Variants in TTLL8 observed in about 807,000 individuals in gnomAD.
The protein encoded by TTLL8 is tubulin tyrosine ligase like 8.
A neutral mutation model predicts 77.8 loss-of-function variants in TTLL8; 65 were observed. The ratio of observed to expected loss-of-function variants is 0.84; its 90% CI spans 0.68 to 1.03. The LOEUF is 1.03. Among genes scored for constraint, TTLL8 ranks in the 50% least tolerant of loss-of-function variants. The probability of loss-of-function intolerance (pLI) is 0.00; values close to 1 mark genes in which losing one functional copy is unlikely to be tolerated. For synonymous variants in TTLL8, 402 were observed against 422.8 expected (o/e 0.95, Z 0.60); for missense variants, 910 against 1,004.5 (o/e 0.91, Z 1.27).
chr22:50,035,170 C>G (rs1384458093), intron 8 of TTLL8, among the ~76,000 whole-genome samples: 2 of 152,194 alleles, frequency 1.3e-5, no homozygotes, highest in African/African-American at 4.8e-5. Context: ...CTGGAGCCGT[C>G]CTGCGTGGGC....
chr22:50,025,564 C>G (rs756279592), intron 12 of TTLL8, among the ~76,000 whole-genome samples: 3 of 152,034 alleles, frequency 2.0e-5, no homozygotes, highest in Non-Finnish European at 4.4e-5. Flanking sequence ...GCTTAGAACC[C>G]CAGAGGCTTA....
chr22:50,026,607 G>A (rs1451990684), intron 12 of TTLL8, among the ~76,000 whole-genome samples: 1 of 152,256 alleles, frequency 6.6e-6, no homozygotes, highest in Non-Finnish European at 1.5e-5. Flanking sequence ...GGTAATTGAT[G>A]ATGATTTAAG....
chr22:50,041,402 T>C lies in TTLL8; in HGVS notation c.831-125A>G, dbSNP rs1247262711. 12 of 954,708 alleles carry C rather than the reference T, an allele frequency of 1.3e-5. No homozygotes were observed. In the South Asian group the frequency reaches 1.6e-4, roughly 13 times the overall value. 59.1% of individuals were successfully genotyped at this position (954,708 alleles called of 1,614,324 possible). On this transcript the variant is annotated intron_variant, in intron 7 of 13. Transcript: ENST00000266182. This position sits in a 1 kb window ranked among gnomAD's most constrained non-coding sequence, Gnocchi z 4.3. ...GACAGACACCCCAATACCCAACAAG[T>C]ATCCCAGACATCCAGACAGACACCA...
exon 12 of TTLL8, chr22:50,030,924 G>A: frequency 7.6e-7 from 1 of 1,318,366 alleles, no homozygotes; most frequent in Non-Finnish European, 1.0e-6. Context: ...CTCAACCACC[G>A]GCTGTGGGGA....
At chr22:50,026,951 C>T (rs573403522) in intron 12 of TTLL8, among the ~76,000 whole-genome samples, 51 of 152,208 alleles carry the variant, frequency 3.4e-4, no homozygotes, top group African/African-American at 1.2e-3. Flanking sequence ...AAAAAAAAGT[C>T]GGCCAGGTGC....
exon 12 of TTLL8, chr22:50,030,456 G>A (rs764368193): frequency 1.5e-6 from 2 of 1,336,814 alleles, no homozygotes; most frequent in East Asian, 5.0e-5. Flanking sequence ...CGGACGCAGC[G>A]CGCCCTCTGC....
At position 50,041,737 on chromosome 22, in the gene TTLL8, G is replaced by T. The variant is rs764105535; in HGVS notation, c.714C>A (p.Cys238Ter). Residue 238 changes from cysteine (C) to a stop codon, truncating the protein, a stop_gained, in exon 7 of 14, where the codon TGC (cysteine) becomes TGA (stop). Coordinates refer to ENST00000266182, the Ensembl canonical transcript of TTLL8. LOFTEE classifies it high-confidence loss of function. This position sits in a 1 kb window ranked among gnomAD's most constrained non-coding sequence, Gnocchi z 4.3. ...GCTCCAGCTGCCCCAGGTAGGCCTG[G>T]CACACCTTGCACGCGATGTCCACAA... is the stretch of plus-strand genomic sequence containing the variant. The T allele has an allele frequency of 6.6e-6, 9 of 1,365,538 alleles. No individual in the cohort carries two copies. Among genetic ancestry groups the T allele is most frequent in the Non-Finnish European group, 8.8e-6 (9 of 1,021,128 alleles). 84.6% of individuals were successfully genotyped at this position (1,365,538 alleles called of 1,614,324 possible). A position where few individuals can be genotyped will look rare whatever the true frequency, so the allele number is the denominator to read the frequency against.
intron 12 of TTLL8, among the ~76,000 whole-genome samples, chr22:50,022,362 G>A (rs545465155): frequency 7.0e-6 from 1 of 142,604 alleles, no homozygotes; most frequent in South Asian, 2.3e-4. Flanking sequence ...TCCTCCATCT[G>A]ATGATGTGTA....
chr22:50,021,993 C>CAAT (rs2061205064), intron 12 of TTLL8, among the ~76,000 whole-genome samples: 3 of 134,794 alleles, frequency 2.2e-5, no homozygotes, highest in Middle Eastern at 6.0e-3. Flanking sequence ...CTCCATCTGA[C>CAAT]GTGCACTCCT....
In TTLL8 at chr22:50,050,056, C is replaced by A; in HGVS notation, c.190+53G>T. On this transcript the variant is annotated intron_variant, in intron 2 of 13. Transcript: ENST00000266182. The stretch of plus-strand genomic sequence containing the variant: ...CTCAGGCCGGCGCCGACTCCTCCTG[C>A]CCGTGACAGACGCACACGCCCTGAG... 3.7e-6 allele frequency: 5 copies of A among 1,347,734 alleles called. No homozygotes were observed. In the South Asian group the frequency reaches 5.8e-5, roughly 16 times the overall value. 83.5% of individuals were successfully genotyped at this position (1,347,734 alleles called of 1,614,324 possible).
At chr22:50,031,439 G>A (rs1056282623) in intron 11 of TTLL8, among the ~76,000 whole-genome samples, 2 of 152,154 alleles carry the variant, frequency 1.3e-5, no homozygotes, top group African/African-American at 2.4e-5. Context: ...CTGAGTGAGC[G>A]GGGCCGCTCC....
upstream of TTLL8, among the ~76,000 whole-genome samples, chr22:50,058,200 G>A (rs1259828081): frequency 6.6e-6 from 1 of 151,844 alleles, no homozygotes; most frequent in Non-Finnish European, 1.5e-5. The surrounding 1 kb of genome is among the most constrained non-coding windows in gnomAD (Gnocchi z 4.2). Flanking sequence ...GCTTCCTGGG[G>A]TTGCCTGGGA....
chr22:50,031,801 A>G (rs202231798), exon 11 of TTLL8: 5 of 1,366,918 alleles, frequency 3.7e-6, no homozygotes, highest in Non-Finnish European at 4.9e-6. Context: ...GGACGGGTGC[A>G]TGGTGGGGCT....
chr22:50,023,083 A>G (rs2061214036), intron 12 of TTLL8, among the ~76,000 whole-genome samples: 1 of 152,282 alleles, frequency 6.6e-6, no homozygotes, highest in Non-Finnish European at 1.5e-5. Context: ...GTACAAAACC[A>G]GGGCATTTCG....
At chr22:50,027,748 T>A in intron 12 of TTLL8, 2 of 985,420 alleles carry the variant, frequency 2.0e-6, no homozygotes, top group Non-Finnish European at 2.4e-6. Context: ...GTTGCCTGAC[T>A]GTCACGGAAC....
chr22:50,050,101 T>TA lies in TTLL8; in HGVS notation c.190+7dup. 2 of 1,366,444 alleles carry TA rather than the reference T, an allele frequency of 1.5e-6. No individual in the cohort carries two copies. Among genetic ancestry groups the TA allele is most frequent in the Non-Finnish European group, 2.0e-6 (2 of 1,021,590 alleles). 84.6% of individuals were successfully genotyped at this position (1,366,444 alleles called of 1,614,324 possible). The stretch of plus-strand genomic sequence containing the variant: ...CCTGAGCTGAGACGTGCGCCTCCGA[T>TA]ACGCTACCATTGACCCGGGCGCCTT... On this transcript the variant is annotated splice_region_variant and intron_variant, in intron 2 of 13. Transcript: ENST00000266182.
rs1351493925 is a variant in TTLL8 at position 50,050,258 on chromosome 22, A to G, written c.52-11T>C. On this transcript the variant is annotated splice_polypyrimidine_tract_variant and intron_variant, in intron 1 of 13. Coordinates refer to ENST00000266182, the Ensembl canonical transcript of TTLL8. ...GAAAATCTTCTTCTCCTAAAATGGC[A>G]AGAGGATATTTTATTTTATTTCAAT... 1.5e-6 allele frequency: 2 copies of G among 1,309,938 alleles called. No homozygotes were observed. Among genetic ancestry groups the G allele is most frequent in the Non-Finnish European group, 2.0e-6 (2 of 992,140 alleles). 81.1% of individuals were successfully genotyped at this position (1,309,938 alleles called of 1,614,324 possible). A position where few individuals can be genotyped will look rare whatever the true frequency, so the allele number is the denominator to read the frequency against.
At chr22:50,042,024 T>C (rs1404600430) in intron 6 of TTLL8, among the ~76,000 whole-genome samples, 1 of 152,164 alleles carries the variant, frequency 6.6e-6, no homozygotes, top group African/African-American at 2.4e-5. Flanking sequence ...TCTGGGCAGG[T>C]GACTTCCTCC....
intron 2 of TTLL8, among the ~76,000 whole-genome samples, 173 bp from the exon 5 acceptor site, chr22:50,049,495 G>A (rs1361806171): frequency 6.6e-6 from 1 of 152,222 alleles, no homozygotes; most frequent in Non-Finnish European, 1.5e-5. Context: ...GTCAGGCTTG[G>A]GGCATTCTGG....
Sources: gnomAD v4.1 joint callset for allele counts (sites outside exome capture counted in the v4.1 genomes callset) on GRCh38, gnomAD v4.1.1 for gene constraint, Gnocchi (gnomAD v3.1) non-coding constraint, MANE v1.5 for transcripts, NCBI Gene and HGNC (gene_info 2026-07-23, HGNC 2026-07-21) for gene names.